The following MFN1 variants were observed in gnomAD, a reference collection of about 807,000 sequenced individuals.
MFN1 encodes the protein mitofusin 1, also known as mitofusin-1.
Under a neutral mutation model 92.4 loss-of-function variants are expected in MFN1, and 65 were observed. The ratio of observed to expected loss-of-function variants is 0.70; its 90% confidence interval spans 0.58 to 0.86. The LOEUF (loss-of-function observed/expected upper bound fraction) is 0.86. Ranked by LOEUF, MFN1 falls within the 40% of genes least tolerant of loss-of-function variation. The probability of loss-of-function intolerance (pLI) is 0.00; values close to 1 mark genes in which losing one functional copy is unlikely to be tolerated. For synonymous variants in MFN1, 297 were observed against 300.9 expected (o/e 0.99, Z 0.13); for missense variants, 781 against 868.0 (o/e 0.90, Z 1.26).
At chr3:179,349,020 AT>A (rs1415484221) in intron 2 of MFN1, 57 bp downstream of exon 2, 2 of 1,423,392 alleles carry the variant, frequency 1.4e-6, no homozygotes, top group Non-Finnish European at 1.9e-6. Context: ...AAAAGTGCTT[AT>A]TCTTTCAACG....
intron 10 of MFN1, among the ~76,000 whole-genome samples, chr3:179,376,090 G>A (rs1264251374): frequency 1.3e-5 from 2 of 152,194 alleles, no homozygotes; most frequent in Non-Finnish European, 2.9e-5. Flanking sequence ...CATAACATTG[G>A]AATTTTAAAT....
At chr3:179,388,943 A>T (rs181048370) in intron 16 of MFN1, among the ~76,000 whole-genome samples, 71 of 151,518 alleles carry the variant, frequency 4.7e-4, no homozygotes, top group South Asian at 8.4e-4. Context: ...TGGGGTTTGG[A>T]TAATTAGGAA....
Position 179,377,120 on chromosome 3 carries a change from G to A in MFN1, c.1176G>A (p.Leu392=). The A allele has an allele frequency of 6.2e-7, 1 of 1,613,424 alleles. No individual in the cohort carries two copies. The highest frequency in any genetic ancestry group is 8.5e-7 in the Non-Finnish European group (1 of 1,179,714). The part of the protein sequence containing the change: ...FIRNQMNLLT[L]DVKKKIKEVT... ...GAAACCAGATGAACCTTTTAACACT[G>A]GATGTTAAGAAAAAAATCAAGGAGG... The change falls in exon 11 of 18, where the codon CTG becomes CTA. Residue 392 remains leucine, a synonymous_variant. Transcript: ENST00000471841.
intron 12 of MFN1, 38 bp from the exon 13 acceptor site, chr3:179,378,303 G>T: frequency 7.1e-7 from 1 of 1,414,776 alleles, no homozygotes; most frequent in Non-Finnish European, 9.8e-7. Flanking sequence ...CATACTTTCT[G>T]GAGAAAAAAT....
intron 16 of MFN1, among the ~76,000 whole-genome samples, chr3:179,388,735 A>C (rs1713792699): frequency 6.6e-6 from 1 of 152,252 alleles, no homozygotes; most frequent in Admixed American, 6.5e-5. Flanking sequence ...GATGTGTAGC[A>C]TATGAGATTT....
At chr3:179,363,856 CTTAA>C (rs1380799099) in intron 5 of MFN1, among the ~76,000 whole-genome samples, 20 of 152,214 alleles carry the variant, frequency 1.3e-4, no homozygotes, top group African/African-American at 2.4e-4. Context: ...AATATGTATA[CTTAA>C]TTAATATATA....
At position 179,377,220 on chromosome 3, in the gene MFN1, G is replaced by C. The variant is rs538776795; in HGVS notation, c.1224+52G>C. ...AATAACCTGGATGGAAATTATTTTT[G>C]ATAATGCTAAAAATGTTATTCCTGT... On this transcript the variant is annotated intron_variant, in intron 11 of 17. Coordinates refer to ENST00000471841, the MANE Select transcript of MFN1 (RefSeq NM_033540.3). 5.1e-6 allele frequency: 8 copies of C among 1,574,828 alleles called. No individual in the cohort carries two copies. In the South Asian group the frequency reaches 8.2e-5, roughly 16 times the overall value.
intron 14 of MFN1, among the ~76,000 whole-genome samples, chr3:179,382,359 A>G (rs1360873707): frequency 6.6e-6 from 1 of 152,158 alleles, no homozygotes; most frequent in Non-Finnish European, 1.5e-5. Flanking sequence ...GCTGAGAATG[A>G]TGGTTTCCAG....
intron 9 of MFN1, among the ~76,000 whole-genome samples, chr3:179,369,541 G>T (rs111975794): frequency 3.3e-5 from 5 of 152,238 alleles, no homozygotes; most frequent in African/African-American, 1.2e-4. Context: ...ATTGGTTCAT[G>T]GTATAGCTTG....
intron 12 of MFN1, among the ~76,000 whole-genome samples, chr3:179,378,062 A>G (rs192513519): frequency 3.9e-5 from 6 of 152,076 alleles, no homozygotes; most frequent in South Asian, 2.1e-4. Flanking sequence ...CTCTATCTCA[A>G]AAAAAATAAA....
At chr3:179,378,293 C>A in intron 12 of MFN1, 48 bp from the exon 13 acceptor site, 2 of 1,344,228 alleles carry the variant, frequency 1.5e-6, no homozygotes, top group Non-Finnish European at 2.1e-6. Flanking sequence ...ATAAAAACTA[C>A]ATACTTTCTG....
At chr3:179,363,710 TCTCAAAGTCCTGGA>T (rs2108533599) in intron 5 of MFN1, among the ~76,000 whole-genome samples, 1 of 152,114 alleles carries the variant, frequency 6.6e-6, no homozygotes, top group East Asian at 1.9e-4. Context: ...CTCAGGCTGG[TCTCAAAGTCCTGGA>T]CTCAAACTCC....
At chr3:179,371,355 G>GA (rs397784660) in intron 9 of MFN1, among the ~76,000 whole-genome samples, 101,294 of 148,794 alleles carry the variant, frequency 0.68, 34,491 homozygotes, top group Admixed American at 0.76. Flanking sequence ...TCTCTAGCAG[G>GA]AAAAAAAAAA....
intron 3 of MFN1, among the ~76,000 whole-genome samples, chr3:179,354,848 G>T (rs946768507): frequency 6.6e-6 from 1 of 152,090 alleles, no homozygotes; most frequent in Non-Finnish European, 1.5e-5. Context: ...AGGCTGGAGC[G>T]CAGTGGCGTG....
chr3:179,378,090 G>A (rs781542318), intron 12 of MFN1: 11 of 403,856 alleles, frequency 2.7e-5, no homozygotes, highest in Non-Finnish European at 4.0e-5. Flanking sequence ...CAAGCATGGC[G>A]ACACGCTTCT....
chr3:179,385,631 A>G lies in MFN1; in HGVS notation c.1725A>G (p.Ala575=). ...CCACTCCAGCAACGCCAGATAATGC[A>G]TCACAGGAAGAACTCATGATTACAT... is the stretch of plus-strand genomic sequence containing the variant. ...APTTPATPDN[A]SQEELMITLV... Residue 575 remains alanine (A), a synonymous_variant, in exon 15 of 18, where the codon GCA becomes GCG. Transcript: ENST00000471841. 6.2e-7 allele frequency: 1 copy of G among 1,613,872 alleles called. No homozygotes were observed. Among genetic ancestry groups the G allele is most frequent in the Non-Finnish European group, 8.5e-7 (1 of 1,179,970 alleles).
At chr3:179,387,461 G>A (rs534747605) in intron 16 of MFN1, among the ~76,000 whole-genome samples, 46 of 152,048 alleles carry the variant, frequency 3.0e-4, no homozygotes, top group African/African-American at 9.4e-4. Flanking sequence ...CACAAGAATC[G>A]CTTGACCCTG....
intron 5 of MFN1, 52 bp from the exon 6 acceptor site, chr3:179,364,245 C>A: frequency 3.9e-6 from 5 of 1,281,992 alleles, no homozygotes; most frequent in South Asian, 3.3e-5. Flanking sequence ...ATTCTGTAAC[C>A]CAAATTTTCT....
At position 179,364,291 on chromosome 3, in the gene MFN1, C is replaced by T. The variant is rs888057992; in HGVS notation, c.537-6C>T. ...TATAATACAATTTTTATTTCACTCT[C>T]ATTAGTCCAGGCACAGATGTCACTA... On this transcript the variant is annotated splice_polypyrimidine_tract_variant and splice_region_variant and intron_variant, in intron 5 of 17. Coordinates refer to ENST00000471841, the MANE Select transcript of MFN1 (RefSeq NM_033540.3). 2.5e-6 allele frequency: 4 copies of T among 1,582,706 alleles called. No individual in the cohort carries two copies. The highest frequency in any genetic ancestry group is 1.8e-5 in the Admixed American group (1 of 54,614).
Sources: gnomAD v4.1 joint callset for allele counts (sites outside exome capture counted in the v4.1 genomes callset) on GRCh38, gnomAD v4.1.1 for gene constraint, MANE v1.5 for transcripts, NCBI Gene and HGNC (gene_info 2026-07-23, HGNC 2026-07-21) for gene names.